Variants in RICTOR observed in about 807,000 individuals in gnomAD.
RICTOR encodes RPTOR independent companion of MTOR complex 2.
A neutral mutation model predicts 214.9 loss-of-function variants in RICTOR; 49 were observed. That is an observed-to-expected ratio of 0.23 (90% CI 0.18 to 0.29). The LOEUF is 0.29. Ranked by LOEUF, RICTOR falls within the 10% of genes least tolerant of loss-of-function variation. The pLI is 1.00. For synonymous variants in RICTOR, 717 were observed against 711.3 expected (o/e 1.01, Z -0.13); for missense variants, 1,625 against 2,047.0 (o/e 0.79, Z 3.98).
intron 2 of RICTOR, among the ~76,000 whole-genome samples, chr5:39,043,492 G>A (rs966555557): frequency 3.3e-5 from 5 of 152,132 alleles, no homozygotes; most frequent in Non-Finnish European, 7.3e-5. Flanking sequence ...AGAAAGACTG[G>A]TCAATGGGTA....
Position 38,982,004 on chromosome 5 carries a change from C to A in RICTOR, c.616G>T (p.Gly206Cys). Residue 206 changes from glycine (G) to cysteine (C), a missense_variant, in exon 8 of 38, where the codon GGT becomes TGT. Transcript: ENST00000357387. ...LQNPEVVALR[G>C]GLNTILKNVI... Reference sequence around the variant, plus strand: ...TTTTTCAAGATGGTGTTTAGTCCACCTCGAAGGGCCACCACCTCTGGATTC... The same window carrying A: ...TTTTTCAAGATGGTGTTTAGTCCACATCGAAGGGCCACCACCTCTGGATTC... The A allele has an allele frequency of 6.2e-7, 1 of 1,612,856 alleles. No homozygotes were observed. Among genetic ancestry groups the A allele is most frequent in the Non-Finnish European group, 8.5e-7 (1 of 1,179,096 alleles).
chr5:39,044,687 G>A (rs1757373528), intron 2 of RICTOR, among the ~76,000 whole-genome samples: 1 of 152,114 alleles, frequency 6.6e-6, no homozygotes, highest in South Asian at 2.1e-4. Context: ...AATTAACAAT[G>A]CAATAGCATT....
intron 35 of RICTOR, 79 bp downstream of exon 35, chr5:38,944,834 T>G: frequency 7.4e-7 from 1 of 1,345,598 alleles, no homozygotes. Context: ...TAATTTACAG[T>G]ATTTACGAAA....
At chr5:38,957,292 TG>T (rs1749340004) in intron 25 of RICTOR, among the ~76,000 whole-genome samples, 1 of 152,152 alleles carries the variant, frequency 6.6e-6, no homozygotes, top group Non-Finnish European at 1.5e-5. Context: ...AAAATTATTT[TG>T]GTTTTAGCTT....
intron 2 of RICTOR, among the ~76,000 whole-genome samples, chr5:39,034,333 G>A (rs1756496561): frequency 6.6e-6 from 1 of 152,290 alleles, no homozygotes; most frequent in Non-Finnish European, 1.5e-5. Context: ...TAATTTTGGG[G>A]GTGGAGCCAA....
intron 2 of RICTOR, among the ~76,000 whole-genome samples, chr5:39,069,096 T>C (rs1428681439): frequency 6.6e-6 from 1 of 152,192 alleles, no homozygotes; most frequent in African/African-American, 2.4e-5. Context: ...AGTAATAGTA[T>C]GTATAATAGT....
Position 38,957,986 on chromosome 5 carries a change from C to T in RICTOR, c.2421-256G>A, listed in dbSNP as rs1327638868. The stretch of plus-strand genomic sequence containing the variant: ...GGCACGGGGGCTCACGCCTGTAATT[C>T]CAGCACTGTGGGAGGCCAAGGTGAG... On this transcript the variant is annotated intron_variant, in intron 24 of 37. Transcript: ENST00000357387. Among the ~76,000 whole-genome samples the T allele has an allele frequency of 3.3e-5, 5 of 152,120 alleles. No homozygotes were observed. The East Asian group carries it at 7.7e-4, about 23-fold the overall frequency.
intron 2 of RICTOR, among the ~76,000 whole-genome samples, chr5:39,057,533 G>A (rs1434957061): frequency 2.0e-5 from 3 of 151,848 alleles, no homozygotes; most frequent in Admixed American, 1.3e-4. Flanking sequence ...TAAAATGGTT[G>A]GAAAAAGGAA....
intron 10 of RICTOR, among the ~76,000 whole-genome samples, chr5:38,973,297 C>T (rs1264634520): frequency 2.6e-5 from 4 of 152,120 alleles, no homozygotes; most frequent in Non-Finnish European, 5.9e-5. Context: ...CAAATCAGGA[C>T]CATAAACAGA....
intron 2 of RICTOR, among the ~76,000 whole-genome samples, chr5:39,048,237 A>G (rs1045971788): frequency 1.3e-5 from 2 of 152,262 alleles, no homozygotes; most frequent in Middle Eastern, 3.4e-3. Context: ...AGGTGGTCCA[A>G]CTGTATATTT....
intron 3 of RICTOR, among the ~76,000 whole-genome samples, chr5:39,013,220 ATTATT>A (rs1441987214): frequency 6.6e-6 from 1 of 152,178 alleles, no homozygotes; most frequent in Non-Finnish European, 1.5e-5. Context: ...TAAGTCCACA[ATTATT>A]TTATGAGTAT....
chr5:39,058,498 A>G (rs1309414454), intron 2 of RICTOR, among the ~76,000 whole-genome samples: 1 of 152,108 alleles, frequency 6.6e-6, no homozygotes, highest in South Asian at 2.1e-4. Flanking sequence ...ACTTCCGTCT[A>G]TGTAAAACCC....
chr5:39,009,370 TA>T (rs1355989967), intron 3 of RICTOR, among the ~76,000 whole-genome samples: 43 of 152,296 alleles, frequency 2.8e-4, no homozygotes, highest in African/African-American at 1.0e-3. Flanking sequence ...ATTATAATCT[TA>T]AAAAACAAAC....
chr5:38,994,930 T>G (rs1260340265), intron 6 of RICTOR, among the ~76,000 whole-genome samples: 1 of 152,220 alleles, frequency 6.6e-6, no homozygotes, highest in Non-Finnish European at 1.5e-5. Context: ...TCAGAGATTC[T>G]GCATAGCAAT....
In RICTOR at chr5:38,995,888, T is replaced by C. The variant is rs868320062; in HGVS notation, c.456+931A>G. On this transcript the variant is annotated intron_variant, in intron 6 of 37. Coordinates refer to ENST00000357387, the MANE Select transcript of RICTOR (RefSeq NM_152756.5). ...CCTAATCTATTTCCGGTATCATTCT[T>C]AGTCGAATTTCAAACTTCTTTTAAG... Among the ~76,000 whole-genome samples the C allele has an allele frequency of 3.9e-5, 6 of 152,310 alleles. No individual in the cohort carries two copies. The Middle Eastern group carries it at 0.01, about 259-fold the overall frequency.
chr5:39,052,986 A>C (rs564083965), intron 2 of RICTOR, among the ~76,000 whole-genome samples: 1 of 152,374 alleles, frequency 6.6e-6, no homozygotes, highest in Admixed American at 6.5e-5. Flanking sequence ...TAACAGTATC[A>C]GTTAAGAATC....
In RICTOR at chr5:38,939,163, G is replaced by A; in HGVS notation, c.*3141C>T. On this transcript the variant is annotated 3_prime_UTR_variant, in exon 38 of 38. Coordinates refer to ENST00000357387, the MANE Select transcript of RICTOR (RefSeq NM_152756.5). ...AATGTGGGGATAAAAGGCATCCTCT[G>A]AATGGAATAACATTTTATATAAATA... The A allele has an allele frequency of 4.3e-6, 1 of 232,978 alleles. No homozygotes were observed. Among genetic ancestry groups the A allele is most frequent in the African/African-American group, 2.2e-5 (1 of 45,404 alleles). The allele number at this position is 232,978 out of a possible 1,614,324, so 14.4% of individuals were successfully genotyped here. A position where few individuals can be genotyped will look rare whatever the true frequency, so the allele number is the denominator to read the frequency against.
intron 6 of RICTOR, among the ~76,000 whole-genome samples, chr5:38,991,640 C>T (rs1752784029): frequency 6.6e-6 from 1 of 152,088 alleles, no homozygotes; most frequent in African/African-American, 2.4e-5. Context: ...TCACTTGTTG[C>T]TATACCAGAA....
chr5:39,043,822 T>C (rs1433268910), intron 2 of RICTOR, among the ~76,000 whole-genome samples: 1 of 152,116 alleles, frequency 6.6e-6, no homozygotes, highest in African/African-American at 2.4e-5. Context: ...AGAAGCGACC[T>C]GAGCTAGCAC....
Sources: gnomAD v4.1 joint callset for allele counts (sites outside exome capture counted in the v4.1 genomes callset) on GRCh38, gnomAD v4.1.1 for gene constraint, MANE v1.5 for transcripts, NCBI Gene and HGNC (gene_info 2026-07-23, HGNC 2026-07-21) for gene names.